Variants in CNRIP1 observed in about 807,000 individuals in gnomAD.
The protein encoded by CNRIP1 is cannabinoid receptor interacting protein 1.
In CNRIP1, 10 loss-of-function variants were observed where a neutral mutation model predicts 15.2. That is an observed-to-expected ratio of 0.66 (90% CI 0.41 to 1.12). The LOEUF is 1.12. CNRIP1 is among the 50% of genes most tolerant of loss of function. The pLI is 0.00. For missense variants in CNRIP1, 211 were observed against 214.7 expected, an observed-to-expected ratio of 0.98 and a Z score of 0.11; for synonymous variants, 91 against 83.2, an observed-to-expected ratio of 1.09 and a Z score of -0.51.
intron 2 of CNRIP1, among the ~76,000 whole-genome samples, chr2:68,287,829 C>A (rs1671067984): frequency 6.6e-6 from 1 of 152,204 alleles, no homozygotes; most frequent in Admixed American, 6.5e-5. Flanking sequence ...CAAGTAATTA[C>A]CCTGATGAAA....
chr2:68,311,628 A>G (rs1197294060), intron 2 of CNRIP1, among the ~76,000 whole-genome samples: 1 of 151,924 alleles, frequency 6.6e-6, no homozygotes, highest in African/African-American at 2.4e-5. Flanking sequence ...ACAAAAAATT[A>G]GCTGGGTATG....
In CNRIP1 at chr2:68,319,631, G is replaced by A. The variant is rs1487475032; in HGVS notation, c.-231C>T. Reference sequence around the variant, plus strand: ...CCACTCGGCGAGGAAGCGGGCCCAAGAGACGGCTCCAAGGCCGCGCGCTTC... The same window carrying A: ...CCACTCGGCGAGGAAGCGGGCCCAAAAGACGGCTCCAAGGCCGCGCGCTTC... On this transcript the variant is annotated 5_prime_UTR_variant, in exon 1 of 3. Coordinates refer to ENST00000263655, the MANE Select transcript of CNRIP1 (RefSeq NM_015463.3). 2 of 501,382 alleles carry A rather than the reference G, an allele frequency of 4.0e-6. No homozygotes were observed. The highest frequency in any genetic ancestry group is 7.0e-6 in the Non-Finnish European group (2 of 286,234). 31.1% of individuals were successfully genotyped at this position (501,382 alleles called of 1,614,324 possible). A position where few individuals can be genotyped will look rare whatever the true frequency, so the allele number is the denominator to read the frequency against.
Position 68,293,412 on chromosome 2 carries a change from G to A in CNRIP1, c.*450C>T. ...CCTGCTTTGAAAGCTGGCAAACACT[G>A]CAAGTTACATGTTACCATATTACAC... On this transcript the variant is annotated 3_prime_UTR_variant, in exon 3 of 3. Transcript: ENST00000263655. 1.0e-6 allele frequency: 1 copy of A among 986,430 alleles called. No individual in the cohort carries two copies. Among genetic ancestry groups the A allele is most frequent in the Non-Finnish European group, 1.2e-6 (1 of 830,552 alleles). The allele number at this position is 986,430 out of a possible 1,614,324, so 61.1% of individuals were successfully genotyped here.
At chr2:68,291,878 C>CAAAA (rs527648471), downstream of CNRIP1, among the ~76,000 whole-genome samples, 2 of 85,056 alleles carry the variant, frequency 2.4e-5, no homozygotes. Flanking sequence ...GACTCCATCT[C>CAAAA]AAAAAAAAAA....
chr2:68,304,626 CTTT>C (rs11292248), intron 2 of CNRIP1, among the ~76,000 whole-genome samples: 6 of 136,964 alleles, frequency 4.4e-5, no homozygotes, highest in Non-Finnish European at 6.3e-5. Flanking sequence ...ATCTGGTTGT[CTTT>C]TTTTTTTTTT....
At chr2:68,310,201 G>A (rs373559020) in intron 2 of CNRIP1, among the ~76,000 whole-genome samples, 30 of 152,260 alleles carry the variant, frequency 2.0e-4, no homozygotes, top group South Asian at 4.1e-4. Context: ...GGTGGCACGC[G>A]CCTGTAGCCC....
At chr2:68,309,329 C>G (rs928516852) in intron 2 of CNRIP1, among the ~76,000 whole-genome samples, 1 of 152,134 alleles carries the variant, frequency 6.6e-6, no homozygotes, top group East Asian at 1.9e-4. Flanking sequence ...CCCCAAAAGG[C>G]AAAAGTCATG....
At chr2:68,316,752 C>A in intron 2 of CNRIP1, 1 of 330,884 alleles carries the variant, frequency 3.0e-6, no homozygotes, top group Non-Finnish European at 5.5e-6. Flanking sequence ...CTTTTTTTGG[C>A]TCCTCCATTT....
chr2:68,297,905 G>GA (rs761286753), intron 2 of CNRIP1, among the ~76,000 whole-genome samples: 4 of 152,074 alleles, frequency 2.6e-5, no homozygotes, highest in Non-Finnish European at 5.9e-5. Flanking sequence ...AAGATGTATA[G>GA]AAAAAATGAA....
At chr2:68,315,425 G>C (rs6546372) in intron 2 of CNRIP1, among the ~76,000 whole-genome samples, 2 of 151,992 alleles carry the variant, frequency 1.3e-5, no homozygotes, top group Non-Finnish European at 2.9e-5. Context: ...ATGCCTTAAC[G>C]TGCACATTTC....
At chr2:68,318,500 G>A (rs971708842) in intron 1 of CNRIP1, among the ~76,000 whole-genome samples, 2 of 152,132 alleles carry the variant, frequency 1.3e-5, no homozygotes, top group African/African-American at 4.8e-5. Flanking sequence ...GCAAGAAATC[G>A]TCCCTGCCAT....
downstream of CNRIP1, among the ~76,000 whole-genome samples, chr2:68,289,776 C>A (rs1398479310): frequency 2.6e-5 from 4 of 151,968 alleles, no homozygotes; most frequent in African/African-American, 9.7e-5. Flanking sequence ...CCAACGTGCC[C>A]AGGCTCCCTT....
chr2:68,298,210 C>G (rs2103629713), intron 2 of CNRIP1, among the ~76,000 whole-genome samples: 1 of 152,066 alleles, frequency 6.6e-6, no homozygotes, highest in East Asian at 1.9e-4. Context: ...TATTTTTGAC[C>G]AGCACAAGGC....
intron 1 of CNRIP1, among the ~76,000 whole-genome samples, chr2:68,318,894 C>T (rs1323276746): frequency 6.6e-6 from 1 of 152,258 alleles, no homozygotes; most frequent in African/African-American, 2.4e-5. Context: ...ACCCCGACCG[C>T]CTGCGGTTCC....
At chr2:68,304,626 C>CTTT (rs11292248) in intron 2 of CNRIP1, among the ~76,000 whole-genome samples, 42 of 136,980 alleles carry the variant, frequency 3.1e-4, no homozygotes, top group African/African-American at 9.9e-4. Context: ...ATCTGGTTGT[C>CTTT]TTTTTTTTTT....
chr2:68,285,656 CAAAAAAAAA>C (rs772428324), intron 2 of CNRIP1, among the ~76,000 whole-genome samples: 1 of 103,918 alleles, frequency 9.6e-6, no homozygotes, highest in Admixed American at 9.9e-5. Context: ...GACCCTGTCT[CAAAAAAAAA>C]AAAAAAAGAA....
chr2:68,318,726 C>T (rs1672372463), intron 1 of CNRIP1, among the ~76,000 whole-genome samples: 1 of 152,208 alleles, frequency 6.6e-6, no homozygotes, highest in Admixed American at 6.5e-5. Flanking sequence ...GAGCATCCCT[C>T]AGGGAGCCCC....
At position 68,319,500 on chromosome 2, in the gene CNRIP1, A is replaced by T; in HGVS notation, c.-100T>A. 1 of 1,232,486 alleles carries T rather than the reference A, an allele frequency of 8.1e-7. No homozygotes were observed. The highest frequency in any genetic ancestry group is 1.1e-6 in the Non-Finnish European group (1 of 926,370). The allele number at this position is 1,232,486 out of a possible 1,614,324, so 76.3% of individuals were successfully genotyped here. On this transcript the variant is annotated 5_prime_UTR_variant, in exon 1 of 3. Coordinates refer to ENST00000263655, the MANE Select transcript of CNRIP1 (RefSeq NM_015463.3). The stretch of plus-strand genomic sequence containing the variant: ...CGAGGGGCGGAGAGGAAGCGCGGGG[A>T]GGGTGAGGGAGGTGGTGGAGCTGAG...
chr2:68,305,270 A>ATGTGTGTGTGTGTG (rs1367890101), intron 2 of CNRIP1, among the ~76,000 whole-genome samples: 5 of 98,614 alleles, frequency 5.1e-5, no homozygotes, highest in East Asian at 3.5e-4. Flanking sequence ...ATATATATAT[A>ATGTGTGTGTGTGTG]TATATGTGTG....
Sources: gnomAD v4.1 joint callset for allele counts (sites outside exome capture counted in the v4.1 genomes callset) on GRCh38, gnomAD v4.1.1 for gene constraint, MANE v1.5 for transcripts, NCBI Gene and HGNC (gene_info 2026-07-23, HGNC 2026-07-21) for gene names.